ZEB1: variants seen among roughly 807,000 people sequenced by gnomAD.
ZEB1 encodes the protein zinc finger E-box binding homeobox 1, also known as zinc finger E-box-binding homeobox 1.
In ZEB1, 21 loss-of-function variants were observed where a neutral mutation model predicts 84.9. That is an observed-to-expected ratio of 0.25 (90% confidence interval 0.18 to 0.36). ZEB1 has a LOEUF of 0.36. Ranked by LOEUF, ZEB1 falls within the 10% of genes least tolerant of loss-of-function variation. The pLI, the probability that ZEB1 is intolerant of heterozygous loss-of-function variation, is 1.00. For missense variants in ZEB1, 1,104 were observed against 1,330.2 expected, an observed-to-expected ratio of 0.83 and a Z score of 2.65; for synonymous variants, 420 against 471.1, an observed-to-expected ratio of 0.89 and a Z score of 1.41.
intron 1 of ZEB1, among the ~76,000 whole-genome samples, chr10:31,459,698 GA>G (rs2061606157): frequency 1.3e-5 from 2 of 152,140 alleles, no homozygotes; most frequent in Admixed American, 6.6e-5. Context: ...GCACAGTGGT[GA>G]CCTCTGGTAC....
chr10:31,350,755 A>G (rs945043569), intron 1 of ZEB1, among the ~76,000 whole-genome samples: 3 of 152,178 alleles, frequency 2.0e-5, no homozygotes, highest in African/African-American at 7.2e-5. Context: ...TTTAAAAATT[A>G]ACACTTTGGC....
chr10:31,474,445 A>G lies in ZEB1; in HGVS notation c.259+13208A>G, dbSNP rs572340147. On this transcript the variant is annotated intron_variant, in intron 2 of 8. Coordinates refer to ENST00000424869, the MANE Select transcript of ZEB1 (RefSeq NM_001174096.2). ...CGAAAGAAGACATTTATGCAGCCAA[A>G]AAACACATGAAAAAATGCTCATCAT... Among the ~76,000 whole-genome samples, 5 of 152,310 alleles carry G rather than the reference A, an allele frequency of 3.3e-5. No homozygotes were observed. The South Asian group carries it at 8.3e-4, about 25-fold the overall frequency.
intron 2 of ZEB1, among the ~76,000 whole-genome samples, chr10:31,485,959 A>G (rs539154692): frequency 7.8e-4 from 118 of 152,006 alleles, no homozygotes; most frequent in Middle Eastern, 3.4e-3. Context: ...AGAATGTTAT[A>G]AAAATGAAAT....
chr10:31,454,702 A>G (rs1248547591), intron 1 of ZEB1, among the ~76,000 whole-genome samples: 2 of 152,210 alleles, frequency 1.3e-5, no homozygotes, highest in Non-Finnish European at 2.9e-5. Flanking sequence ...TACAGCTTAC[A>G]AGGGATGTGA....
chr10:31,454,386 A>T (rs1175398588), intron 1 of ZEB1, among the ~76,000 whole-genome samples: 1 of 152,206 alleles, frequency 6.6e-6, no homozygotes, highest in Non-Finnish European at 1.5e-5. Context: ...ACTCCTATTC[A>T]ACATAGTGTT....
At chr10:31,378,417 AT>A in intron 1 of ZEB1, among the ~76,000 whole-genome samples, 1 of 151,958 alleles carries the variant, frequency 6.6e-6, no homozygotes, top group East Asian at 1.9e-4. Context: ...GAGAGTTAAA[AT>A]AGATGCCCTT....
intron 1 of ZEB1, among the ~76,000 whole-genome samples, chr10:31,408,462 G>C (rs1023700472): frequency 5.9e-5 from 9 of 151,330 alleles, no homozygotes; most frequent in Admixed American, 2.6e-4. Flanking sequence ...AAAGAACAAA[G>C]CTGGAGGCAT....
intron 1 of ZEB1, among the ~76,000 whole-genome samples, chr10:31,438,521 CAA>C (rs2058535484): frequency 6.6e-6 from 1 of 152,066 alleles, no homozygotes; most frequent in Admixed American, 6.5e-5. Context: ...ACCGTGATAA[CAA>C]ATTCAAATAA....
chr10:31,335,331 G>T (rs749914912), intron 1 of ZEB1, among the ~76,000 whole-genome samples: 1 of 152,018 alleles, frequency 6.6e-6, no homozygotes, highest in Non-Finnish European at 1.5e-5. Flanking sequence ...TATTTATAGG[G>T]CTTCCATGCT....
chr10:31,465,605 C>A (rs2062322667), intron 2 of ZEB1, among the ~76,000 whole-genome samples: 1 of 151,954 alleles, frequency 6.6e-6, no homozygotes, highest in Non-Finnish European at 1.5e-5. Context: ...AATCAAAATA[C>A]ATTGTTACTA....
At chr10:31,406,632 T>C (rs1457334089) in intron 1 of ZEB1, among the ~76,000 whole-genome samples, 2 of 150,874 alleles carry the variant, frequency 1.3e-5, no homozygotes, top group African/African-American at 4.9e-5. Flanking sequence ...TCTTCTCCCA[T>C]TCTCTCAGTT....
chr10:31,490,832 A>T (rs1404633994), intron 2 of ZEB1, among the ~76,000 whole-genome samples: 1 of 151,778 alleles, frequency 6.6e-6, no homozygotes, highest in East Asian at 1.9e-4. Flanking sequence ...TTTAAATCCT[A>T]TCGAGAATTT....
chr10:31,430,483 A>G (rs1377794512), intron 1 of ZEB1, among the ~76,000 whole-genome samples: 1 of 152,226 alleles, frequency 6.6e-6, no homozygotes, highest in Non-Finnish European at 1.5e-5. Flanking sequence ...AGACATGACT[A>G]GAACTTATTA....
chr10:31,437,414 C>T (rs1591252550), intron 1 of ZEB1, among the ~76,000 whole-genome samples: 1 of 152,302 alleles, frequency 6.6e-6, no homozygotes, highest in East Asian at 1.9e-4. Context: ...TATTATAATG[C>T]TTAGAAAAGC....
Position 31,363,945 on chromosome 10 carries a change from C to T in ZEB1, c.58+44653C>T, listed in dbSNP as rs548944503. On this transcript the variant is annotated intron_variant, in intron 1 of 8. Coordinates refer to ENST00000424869, the MANE Select transcript of ZEB1 (RefSeq NM_001174096.2). ...CAGGTGCAGGAGCTGCAGGGTGAGCCCGGCCAGCTGGGAAGGCCTCACGGA... is the reference window on the plus strand; with the variant it reads ...CAGGTGCAGGAGCTGCAGGGTGAGCTCGGCCAGCTGGGAAGGCCTCACGGA... 57 of 1,299,554 alleles carry T rather than the reference C, an allele frequency of 4.4e-5. No individual in the cohort carries two copies. In the African/African-American group the frequency reaches 8.5e-4, roughly 19 times the overall value. The allele number at this position is 1,299,554 out of a possible 1,614,324, so 80.5% of individuals were successfully genotyped here. A position where few individuals can be genotyped will look rare whatever the true frequency, so the allele number is the denominator to read the frequency against.
At chr10:31,319,087 A>C, upstream of ZEB1, 5 of 604,044 alleles carry the variant, frequency 8.3e-6, no homozygotes, top group East Asian at 3.3e-5. Context: ...GAGAGCCTCT[A>C]GGTGTAAGGA....
intron 7 of ZEB1, among the ~76,000 whole-genome samples, chr10:31,522,895 C>T (rs1348867491): frequency 1.3e-5 from 2 of 152,110 alleles, no homozygotes; most frequent in Admixed American, 1.3e-4. Flanking sequence ...AAAGTTCTTA[C>T]GTGATCATTG....
At chr10:31,436,193 C>T (rs986215731) in intron 1 of ZEB1, among the ~76,000 whole-genome samples, 1 of 152,020 alleles carries the variant, frequency 6.6e-6, no homozygotes, top group Non-Finnish European at 1.5e-5. Flanking sequence ...TCTGAAATTT[C>T]GAATCAAGAG....
chr10:31,416,477 A>C (rs1406886040), intron 1 of ZEB1, among the ~76,000 whole-genome samples: 1 of 152,114 alleles, frequency 6.6e-6, no homozygotes, highest in African/African-American at 2.4e-5. Context: ...CAAACGATTA[A>C]ATGGAAGACA....
Sources: allele counts gnomAD v4.1 joint callset (sites outside exome capture counted in the v4.1 genomes callset), GRCh38; gene constraint gnomAD v4.1.1; transcripts MANE v1.5; gene names NCBI Gene and HGNC (gene_info 2026-07-23, HGNC 2026-07-21).